DCUN1D2: variants seen among roughly 807,000 people sequenced by gnomAD.
DCUN1D2 encodes defective in cullin neddylation 1 domain containing 2, also known as DCN1-like protein 2.
Under a neutral mutation model 30.9 loss-of-function variants are expected in DCUN1D2, and 29 were observed. The ratio of observed to expected loss-of-function variants is 0.94; its 90% CI spans 0.70 to 1.28. The LOEUF (loss-of-function observed/expected upper bound fraction) is 1.28. Among genes scored for constraint, DCUN1D2 ranks in the 50% most tolerant of loss-of-function variants. DCUN1D2 has a pLI of 0.00. For synonymous variants in DCUN1D2, 121 were observed against 115.3 expected (o/e 1.05, Z -0.32); for missense variants, 325 against 316.9 (o/e 1.03, Z -0.19).
intron 1 of DCUN1D2, among the ~76,000 whole-genome samples, chr13:113,487,132 C>T (rs2260897): frequency 1.3e-5 from 2 of 151,958 alleles, no homozygotes; most frequent in African/African-American, 2.4e-5. Flanking sequence ...AGTCTCTGAC[C>T]GTAAGCTGAC....
intron 1 of DCUN1D2, among the ~76,000 whole-genome samples, chr13:113,484,805 T>C (rs1334505275): frequency 2.0e-5 from 3 of 152,154 alleles, no homozygotes; most frequent in Admixed American, 6.5e-5. Flanking sequence ...TTTCCACTTA[T>C]CTAAAGTAAC....
intron 4 of DCUN1D2, among the ~76,000 whole-genome samples, chr13:113,472,676 C>T (rs1226099102): frequency 1.3e-5 from 2 of 152,212 alleles, no homozygotes; most frequent in Non-Finnish European, 2.9e-5. Context: ...TCCCAGCTCA[C>T]AAACAGAAAG....
At chr13:113,464,926 T>C (rs931244261) in intron 4 of DCUN1D2, among the ~76,000 whole-genome samples, 2 of 152,270 alleles carry the variant, frequency 1.3e-5, no homozygotes, top group Admixed American at 1.3e-4. Flanking sequence ...CTGATCTTGC[T>C]GGCTTTGCCA....
chr13:113,490,744 G>C, upstream of DCUN1D2: 2 of 1,156,316 alleles, frequency 1.7e-6, no homozygotes, highest in Non-Finnish European at 2.1e-6. The surrounding 1 kb of genome is among the most constrained non-coding windows in gnomAD (Gnocchi z 5.2). Flanking sequence ...CCTCGTCCTC[G>C]GACGGCCGCG....
At chr13:113,472,349 G>A (rs914807620) in intron 4 of DCUN1D2, among the ~76,000 whole-genome samples, 17 of 152,134 alleles carry the variant, frequency 1.1e-4, no homozygotes, top group Non-Finnish European at 2.2e-4. Flanking sequence ...AGCACCAGCC[G>A]CGACCCCACC....
upstream of DCUN1D2, chr13:113,490,752 G>T: frequency 8.8e-7 from 1 of 1,137,298 alleles, no homozygotes; most frequent in Non-Finnish European, 1.1e-6. This position sits in a 1 kb window ranked among gnomAD's most constrained non-coding sequence, Gnocchi z 5.2. Context: ...TCGGACGGCC[G>T]CGGCCCTCGG....
chr13:113,477,938 G>C (rs1415338429), intron 3 of DCUN1D2, among the ~76,000 whole-genome samples: 1 of 152,136 alleles, frequency 6.6e-6, no homozygotes, highest in Non-Finnish European at 1.5e-5. Flanking sequence ...GATACTGTGT[G>C]TAGGATTTTT....
Position 113,486,094 on chromosome 13 carries a change from ATGAC to A in DCUN1D2, c.4-2042_4-2039del, listed in dbSNP as rs149552468. On this transcript the variant is annotated intron_variant, in intron 1 of 6. Coordinates refer to ENST00000478244, the MANE Select transcript of DCUN1D2 (RefSeq NM_001014283.2). ...CACAAACAAGAACTCTCATTTAAGAATGACTGGGGTTCCAATCATTCTTAAAAAC... is the reference window on the plus strand; with the variant it reads ...CACAAACAAGAACTCTCATTTAAGAATGGGGTTCCAATCATTCTTAAAAAC... Among the ~76,000 whole-genome samples the A allele has an allele frequency of 5.0e-3, 754 of 152,308 alleles. 2 individuals are homozygous for A. The highest frequency in any genetic ancestry group is 7.7e-3 in the Non-Finnish European group (525 of 68,026).
rs2044844534 is a variant in DCUN1D2, at chr13:113,488,368, G to C, written c.3+2299C>G. Among the ~76,000 whole-genome samples the C allele has an allele frequency of 6.6e-6, 1 of 152,198 alleles. No homozygotes were observed. The highest frequency in any genetic ancestry group is 2.4e-5 in the African/African-American group (1 of 41,438). On this transcript the variant is annotated intron_variant, in intron 1 of 6. Transcript: ENST00000478244. This position sits in a 1 kb window ranked among gnomAD's most constrained non-coding sequence, Gnocchi z 4.3. ...TCAGTCAACAAAGCTGCAATCATTT[G>C]ATGTCACCCCTTACAGGTTTCTCCA...
rs2044225020 is a variant in DCUN1D2, at chr13:113,456,284, C to A, written c.*1745G>T. The A allele has an allele frequency of 2.5e-6, 1 of 398,702 alleles. No individual in the cohort carries two copies. The highest frequency in any genetic ancestry group is 4.4e-6 in the Non-Finnish European group (1 of 226,208). 24.7% of individuals were successfully genotyped at this position (398,702 alleles called of 1,614,324 possible). On this transcript the variant is annotated 3_prime_UTR_variant, in exon 7 of 7. Transcript: ENST00000478244. ...GCCAGCGGGGGCCAGGCGGGGTCTG[C>A]AGGCTGCAGGTCCCTTCCAGTCCTG...
At chr13:113,477,814 T>C (rs7334321) in intron 3 of DCUN1D2, among the ~76,000 whole-genome samples, 88 of 152,236 alleles carry the variant, frequency 5.8e-4, no homozygotes, top group African/African-American at 2.1e-3. Context: ...ATTACACCGA[T>C]TGACTCTGTA....
chr13:113,472,115 G>A (rs930810144), intron 4 of DCUN1D2, among the ~76,000 whole-genome samples: 3 of 151,632 alleles, frequency 2.0e-5, no homozygotes, highest in African/African-American at 7.3e-5. Flanking sequence ...AGCCCGTGGT[G>A]TGTGCCGTGT....
chr13:113,462,827 A>C (rs756980398), intron 4 of DCUN1D2: 34 of 1,220,380 alleles, frequency 2.8e-5, no homozygotes, highest in Non-Finnish European at 3.1e-5. Flanking sequence ...AAGAACATTA[A>C]TTGAAATCTA....
Position 113,490,495 on chromosome 13 carries a change from G to A in DCUN1D2, c.3+172C>T, listed in dbSNP as rs2044937739. On this transcript the variant is annotated intron_variant, in intron 1 of 6. Transcript: ENST00000478244. The surrounding 1 kb of genome is among the most constrained non-coding windows in gnomAD (Gnocchi z 5.2). ...CTCCCCGCGGTCCCGCGCCTCCGAC[G>A]CCACCGCTCCGGCTCGCGGGCCCGC... 1.4e-6 allele frequency: 1 copy of A among 694,860 alleles called. No homozygotes were observed. The highest frequency in any genetic ancestry group is 2.0e-6 in the Non-Finnish European group (1 of 499,962). 43.0% of individuals were successfully genotyped at this position (694,860 alleles called of 1,614,324 possible).
intron 2 of DCUN1D2, among the ~76,000 whole-genome samples, chr13:113,482,802 G>A (rs892464277): frequency 3.3e-5 from 5 of 152,218 alleles, no homozygotes; most frequent in African/African-American, 1.2e-4. Flanking sequence ...AATTAGCTGG[G>A]CGTGGTGGCA....
At chr13:113,481,839 A>G (rs969375954) in intron 2 of DCUN1D2, among the ~76,000 whole-genome samples, 2 of 147,002 alleles carry the variant, frequency 1.4e-5, no homozygotes, top group South Asian at 2.1e-4. Flanking sequence ...AGCCAAGATC[A>G]TGCCATTGCA....
intron 3 of DCUN1D2, among the ~76,000 whole-genome samples, chr13:113,478,530 C>T (rs2259566): frequency 1.1e-3 from 168 of 152,062 alleles, no homozygotes; most frequent in African/African-American, 3.5e-3. Flanking sequence ...TAATTCCTTC[C>T]TTCTATATTC....
chr13:113,461,365 A>G (rs150229323), intron 4 of DCUN1D2, among the ~76,000 whole-genome samples: 7 of 152,342 alleles, frequency 4.6e-5, no homozygotes, highest in African/African-American at 1.7e-4. Flanking sequence ...AGTTATTTGG[A>G]TATGCACACA....
chr13:113,487,114 G>T (rs1044796805), intron 1 of DCUN1D2, among the ~76,000 whole-genome samples: 3 of 152,218 alleles, frequency 2.0e-5, no homozygotes, highest in African/African-American at 7.2e-5. Context: ...AATTAAGGCA[G>T]ATCCCATAGT....
Sources: gnomAD v4.1 joint callset for allele counts (sites outside exome capture counted in the v4.1 genomes callset) on GRCh38, gnomAD v4.1.1 for gene constraint, Gnocchi (gnomAD v3.1) non-coding constraint, MANE v1.5 for transcripts, NCBI Gene and HGNC (gene_info 2026-07-23, HGNC 2026-07-21) for gene names.